PECAM1: variants seen among roughly 807,000 people sequenced by gnomAD.
PECAM1 encodes the protein platelet endothelial cell adhesion molecule.
A neutral mutation model predicts 13.8 loss-of-function variants in PECAM1; 8 were observed. The ratio of observed to expected loss-of-function variants is 0.58; its 90% confidence interval spans 0.34 to 1.05. PECAM1 has a LOEUF of 1.05. PECAM1 is among the 50% of genes least tolerant of loss of function. PECAM1 has a pLI of 0.03. For synonymous variants in PECAM1, 136 were observed against 52.6 expected (o/e 2.58, Z -6.86); for missense variants, 304 against 141.2 (o/e 2.15, Z -5.84).
intron 6 of PECAM1, among the ~76,000 whole-genome samples, chr17:64,361,615 A>T (rs9905219): frequency 0.8 from 120,656 of 151,456 alleles, 54,168 homozygotes; most frequent in East Asian, 1. Context: ...TAGCTGGGCA[A>T]GGTGGCACAT....
intron 15 of PECAM1, among the ~76,000 whole-genome samples, chr17:64,325,485 C>T (rs2034928492): frequency 6.6e-6 from 1 of 152,152 alleles, no homozygotes. Flanking sequence ...CCTGTAATCC[C>T]AGCACTTTGG....
chr17:64,347,059 T>C lies in PECAM1; in HGVS notation c.2107+1201A>G, dbSNP rs888816712. On this transcript the variant is annotated intron_variant, in intron 13 of 15. Transcript: ENST00000563924. ...CTCAATAAATCTTACCTATTATTAG[T>C]AGTATCATAACTAATAATTATCAAA... Among the ~76,000 whole-genome samples the C allele has an allele frequency of 2.8e-4, 43 of 152,294 alleles. 1 individual carries two copies. In the East Asian group the frequency reaches 8.3e-3, roughly 29 times the overall value.
chr17:64,380,243 G>T (rs1256113165), intron 2 of PECAM1, among the ~76,000 whole-genome samples: 1 of 151,708 alleles, frequency 6.6e-6, no homozygotes. Context: ...CAGGAGAATC[G>T]CTTGAGCCCG....
Position 64,323,585 on chromosome 17 carries a change from G to C in PECAM1, c.*231C>G. 1 of 1,422,342 alleles carries C rather than the reference G, an allele frequency of 7.0e-7. No homozygotes were observed. Among genetic ancestry groups the C allele is most frequent in the South Asian group, 1.5e-5 (1 of 66,472 alleles). The allele number at this position is 1,422,342 out of a possible 1,614,324, so 88.1% of individuals were successfully genotyped here. A position where few individuals can be genotyped will look rare whatever the true frequency, so the allele number is the denominator to read the frequency against. On this transcript the variant is annotated 3_prime_UTR_variant, in exon 16 of 16. Coordinates refer to ENST00000563924, the MANE Select transcript of PECAM1 (RefSeq NM_000442.5). ...CCAATTTCCAAGGATGTTCCAACTTGGTGGAAGGAGGGTATGTGGGAAATT... is the reference window on the plus strand; with the variant it reads ...CCAATTTCCAAGGATGTTCCAACTTCGTGGAAGGAGGGTATGTGGGAAATT...
rs879989257 is a variant in PECAM1 at position 64,319,699 on chromosome 17, T to TC, written c.*4116dup. On this transcript the variant is annotated 3_prime_UTR_variant, in exon 16 of 16. Transcript: ENST00000563924. Reference sequence around the variant, plus strand: ...CGCGCATGCTCACTTGAGGCATTTTTCCCCTTACCAGTCGTGCGTTCCCAG... The same window carrying TC: ...CGCGCATGCTCACTTGAGGCATTTTTCCCCCTTACCAGTCGTGCGTTCCCAG... The TC allele has an allele frequency of 3.3e-5, 5 of 152,100 alleles. No homozygotes were observed. The highest frequency in any genetic ancestry group is 3.3e-4 in the Admixed American group (5 of 15,252). 9.4% of individuals were successfully genotyped at this position (152,100 alleles called of 1,614,324 possible). A position where few individuals can be genotyped will look rare whatever the true frequency, so the allele number is the denominator to read the frequency against.
intron 14 of PECAM1, among the ~76,000 whole-genome samples, chr17:64,330,528 C>T (rs1403517935): frequency 4.0e-5 from 6 of 151,160 alleles, no homozygotes; most frequent in African/African-American, 9.7e-5. Context: ...CCCAGTTACT[C>T]GGGAGGCTGA....
chr17:64,354,355 G>A (rs2035801968), intron 9 of PECAM1, among the ~76,000 whole-genome samples: 1 of 152,124 alleles, frequency 6.6e-6, no homozygotes, highest in African/African-American at 2.4e-5. Context: ...TCCTTGATGG[G>A]TGGCAGCTTT....
At chr17:64,334,167 G>A (rs2035205362) in intron 14 of PECAM1, among the ~76,000 whole-genome samples, 1 of 146,478 alleles carries the variant, frequency 6.8e-6, no homozygotes, top group Non-Finnish European at 1.5e-5. Context: ...AGCCAAGACT[G>A]GAAAGACCAG....
chr17:64,325,122 C>T (rs1598269409), intron 15 of PECAM1, among the ~76,000 whole-genome samples: 1 of 152,248 alleles, frequency 6.6e-6, no homozygotes, highest in South Asian at 2.1e-4. Context: ...GGCGCAGTGG[C>T]TCACGCCTGT....
At chr17:64,339,320 C>T (rs2035367207) in intron 14 of PECAM1, among the ~76,000 whole-genome samples, 1 of 152,320 alleles carries the variant, frequency 6.6e-6, no homozygotes, top group East Asian at 1.9e-4. Context: ...GTCTTAACCT[C>T]TCTATGCCTT....
intron 14 of PECAM1, among the ~76,000 whole-genome samples, chr17:64,334,424 C>T (rs6504219): frequency 0.18 from 27,137 of 152,050 alleles, 2,952 homozygotes; most frequent in South Asian, 0.25. Flanking sequence ...TAGAAGATGA[C>T]GGGGAACATG....
intron 2 of PECAM1, among the ~76,000 whole-genome samples, chr17:64,380,478 C>T (rs2036459122): frequency 1.3e-5 from 2 of 152,170 alleles, no homozygotes; most frequent in Admixed American, 6.6e-5. Context: ...TGCCCATTCT[C>T]AAGGAAGCTA....
chr17:64,361,003 G>A (rs2035962631), intron 6 of PECAM1, among the ~76,000 whole-genome samples: 3 of 150,462 alleles, frequency 2.0e-5, no homozygotes, highest in African/African-American at 7.4e-5. Flanking sequence ...TTTATTTTTT[G>A]TAGAGACAGG....
At chr17:64,339,887 C>T (rs2035380615) in intron 14 of PECAM1, among the ~76,000 whole-genome samples, 2 of 152,202 alleles carry the variant, frequency 1.3e-5, no homozygotes, top group Non-Finnish European at 2.9e-5. Context: ...CAGTGGCTCA[C>T]GCTTGTAATC....
intron 5 of PECAM1, among the ~76,000 whole-genome samples, chr17:64,367,955 G>A (rs902796157): frequency 1.3e-5 from 2 of 152,174 alleles, no homozygotes; most frequent in Non-Finnish European, 2.9e-5. Context: ...TATACCAGTT[G>A]GGTAGTTGGT....
chr17:64,385,642 G>C (rs1394377360), intron 2 of PECAM1, among the ~76,000 whole-genome samples: 1 of 152,152 alleles, frequency 6.6e-6, no homozygotes, highest in East Asian at 1.9e-4. Flanking sequence ...CATCCTTGCT[G>C]TCCCAAACAG....
rs910419746 is a variant in PECAM1, at chr17:64,341,978, C to T, written c.2108-288G>A. Among the ~76,000 whole-genome samples the T allele has an allele frequency of 3.4e-3, 513 of 151,958 alleles. 3 individuals are homozygous for T. Among genetic ancestry groups the T allele is most frequent in the African/African-American group, 0.012 (481 of 41,446 alleles). On this transcript the variant is annotated intron_variant, in intron 13 of 15. Coordinates refer to ENST00000563924, the MANE Select transcript of PECAM1 (RefSeq NM_000442.5). ...CATTCTGGCCAACATGGCGAAACCC[C>T]GTCTCTACTAAAAATTCAAAAAATT...
chr17:64,368,931 CTTTTTTTTT>C (rs1176037024), intron 5 of PECAM1, among the ~76,000 whole-genome samples: 3 of 75,074 alleles, frequency 4.0e-5, no homozygotes, highest in Admixed American at 4.8e-4. Flanking sequence ...ATTGTCATTT[CTTTTTTTTT>C]TTTTTTTTTT....
chr17:64,335,996 T>G (rs1267396593), intron 14 of PECAM1, among the ~76,000 whole-genome samples: 1 of 151,956 alleles, frequency 6.6e-6, no homozygotes, highest in African/African-American at 2.4e-5. Context: ...GGGCGTGGTG[T>G]CTCACACCTG....
Sources: gnomAD v4.1 joint callset for allele counts (sites outside exome capture counted in the v4.1 genomes callset) on GRCh38, gnomAD v4.1.1 for gene constraint, MANE v1.5 for transcripts, NCBI Gene and HGNC (gene_info 2026-07-23, HGNC 2026-07-21) for gene names.